Variants in RAB3D observed in about 807,000 individuals in gnomAD.
The protein encoded by RAB3D is ras-related protein Rab-3D.
A neutral mutation model predicts 19.3 loss-of-function variants in RAB3D; 17 were observed. The observed-to-expected ratio is 0.88, with a 90% CI of 0.60 to 1.32. The LOEUF (loss-of-function observed/expected upper bound fraction) is 1.32, where lower values mean the gene tolerates loss of function less well. RAB3D is among the 40% of genes most tolerant of loss of function. The pLI, the probability that RAB3D is intolerant of heterozygous loss-of-function variation, is 0.00. For missense variants in RAB3D, 223 were observed against 299.1 expected (o/e 0.75, Z 1.88); for synonymous variants, 103 against 119.9 (o/e 0.86, Z 0.92).
chr19:11,325,702 C>G, intron 4 of RAB3D, 117 bp from the exon 5 acceptor site: 1 of 983,068 alleles, frequency 1.0e-6, no homozygotes, highest in Non-Finnish European at 1.5e-6. Context: ...GCTGTGGGAC[C>G]TTGGTTGTGT....
intron 2 of RAB3D, 134 bp from the exon 3 acceptor site, chr19:11,335,917 T>A: frequency 2.5e-6 from 2 of 800,104 alleles, no homozygotes; most frequent in Non-Finnish European, 4.2e-6. Flanking sequence ...CAACCTCTGG[T>A]CTGATGGAGA....
At chr19:11,333,134 T>C (rs914017013) in intron 4 of RAB3D, among the ~76,000 whole-genome samples, 2 of 150,932 alleles carry the variant, frequency 1.3e-5, no homozygotes, top group African/African-American at 4.9e-5. Context: ...GGCTGGAGTG[T>C]AGTGGCGTGA....
intron 4 of RAB3D, among the ~76,000 whole-genome samples, chr19:11,333,225 G>T (rs1025047155): frequency 1.3e-5 from 2 of 151,604 alleles, no homozygotes; most frequent in East Asian, 3.9e-4. Context: ...GACTACCGGC[G>T]CCCACCACCA....
At chr19:11,339,114 G>C (rs1002429112) in intron 1 of RAB3D, among the ~76,000 whole-genome samples, 19 of 152,356 alleles carry the variant, frequency 1.2e-4, no homozygotes, top group African/African-American at 4.3e-4. Flanking sequence ...ACGCAGGGCA[G>C]GGCCGCAAGG....
In RAB3D at chr19:11,339,647, C is replaced by G. The variant is rs938151219; in HGVS notation, c.-240G>C. On this transcript the variant is annotated 5_prime_UTR_variant, in exon 1 of 5. Coordinates refer to ENST00000222120, the MANE Select transcript of RAB3D (RefSeq NM_004283.4). ...CAGCCACCCGGATCCCGCGCGGGCT[C>G]CGCCCAGAAGGCGGAGGAAGGGCCG... is the stretch of plus-strand genomic sequence containing the variant. 1.3e-5 allele frequency: 2 copies of G among 152,302 alleles called. No individual in the cohort carries two copies. The highest frequency in any genetic ancestry group is 4.8e-5 in the African/African-American group (2 of 41,446). 9.4% of individuals were successfully genotyped at this position (152,302 alleles called of 1,614,324 possible). A position where few individuals can be genotyped will look rare whatever the true frequency, so the allele number is the denominator to read the frequency against.
intron 4 of RAB3D, among the ~76,000 whole-genome samples, chr19:11,334,836 T>C (rs1221497706): frequency 6.6e-6 from 1 of 151,836 alleles, no homozygotes; most frequent in Non-Finnish European, 1.5e-5. Flanking sequence ...AGCAGGAGAA[T>C]TGCTTGAACC....
In RAB3D at chr19:11,337,403, G is replaced by A. The variant is rs759420950; in HGVS notation, c.-4C>T. 1.9e-6 allele frequency: 3 copies of A among 1,612,228 alleles called. No individual in the cohort carries two copies. Reference sequence around the variant, plus strand: ...GGGTGTCTCCAGCTGATGCCATCTTGGCACAAGCCTCCTGGGACAGGGAGA... The same window carrying A: ...GGGTGTCTCCAGCTGATGCCATCTTAGCACAAGCCTCCTGGGACAGGGAGA... On this transcript the variant is annotated 5_prime_UTR_variant, in exon 2 of 5. Transcript: ENST00000222120.
chr19:11,335,957 T>A (rs1363698602), intron 2 of RAB3D, among the ~76,000 whole-genome samples, 174 bp from the exon 3 acceptor site: 1 of 152,116 alleles, frequency 6.6e-6, no homozygotes, highest in African/African-American at 2.4e-5. Flanking sequence ...ACAACCCCAG[T>A]CTGATGGGGG....
chr19:11,328,659 A>G (rs2080824939), intron 4 of RAB3D, among the ~76,000 whole-genome samples: 1 of 151,872 alleles, frequency 6.6e-6, no homozygotes, highest in African/African-American at 2.4e-5. Context: ...ATAAATAAAT[A>G]AATAAATATT....
chr19:11,326,797 T>TGG (rs150288932), intron 4 of RAB3D: 8 of 694,796 alleles, frequency 1.2e-5, no homozygotes, highest in Non-Finnish European at 2.1e-5. Context: ...TTTGTAGAGG[T>TGG]GGGGGTCTCG....
In RAB3D at chr19:11,337,308, C is replaced by G; in HGVS notation, c.92G>C (p.Ser31Thr). The change falls in exon 2 of 5, where the codon AGC becomes ACC. Residue 31 changes from serine (S) to threonine (T), a missense_variant. Ser to Thr is a moderately conservative substitution (Grantham distance 58). Transcript: ENST00000222120. ...YMFKLLLIGN[S>T]SVGKTSFLFR... ...CAGGAAGGAAGTCTTGCCCACACTGCTGTTGCCTATCAGTAGCAGTTTGAA... is the reference window on the plus strand; with the variant it reads ...CAGGAAGGAAGTCTTGCCCACACTGGTGTTGCCTATCAGTAGCAGTTTGAA... The G allele has an allele frequency of 1.9e-6, 3 of 1,614,168 alleles. No homozygotes were observed. The highest frequency in any genetic ancestry group is 2.5e-6 in the Non-Finnish European group (3 of 1,180,038).
Position 11,337,420 on chromosome 19 carries a change from A to T in RAB3D, c.-21T>A, listed in dbSNP as rs771531487. ...GCCATCTTGGCACAAGCCTCCTGGGACAGGGAGACCTGAAATCCTCAGGGA... is the reference window on the plus strand; with the variant it reads ...GCCATCTTGGCACAAGCCTCCTGGGTCAGGGAGACCTGAAATCCTCAGGGA... On this transcript the variant is annotated 5_prime_UTR_variant, in exon 2 of 5. Coordinates refer to ENST00000222120, the MANE Select transcript of RAB3D (RefSeq NM_004283.4). 1.9e-6 allele frequency: 3 copies of T among 1,604,706 alleles called. No individual in the cohort carries two copies. The Admixed American group carries it at 5.0e-5, about 27-fold the overall frequency.
chr19:11,336,877 G>T (rs1966900037), intron 2 of RAB3D, among the ~76,000 whole-genome samples: 1 of 151,044 alleles, frequency 6.6e-6, no homozygotes, highest in African/African-American at 2.4e-5. Context: ...GACTGAGGCA[G>T]AAGAATTGCT....
chr19:11,329,334 C>T (rs1220179703), intron 4 of RAB3D, among the ~76,000 whole-genome samples: 1 of 151,854 alleles, frequency 6.6e-6, no homozygotes, highest in African/African-American at 2.4e-5. Flanking sequence ...TCAGGCCAGG[C>T]GTGGTGGCTC....
intron 2 of RAB3D, 79 bp downstream of exon 2, chr19:11,337,093 C>CAA (rs893185437): frequency 5.0e-4 from 514 of 1,030,496 alleles, no homozygotes; most frequent in Non-Finnish European, 5.7e-4. Context: ...GACTCCGTCT[C>CAA]AAAAAAAAAA....
Position 11,323,605 on chromosome 19 carries a change from A to G in RAB3D, c.*1793T>C, listed in dbSNP as rs1444839180. 2 of 152,142 alleles carry G rather than the reference A, an allele frequency of 1.3e-5. No individual in the cohort carries two copies. Among genetic ancestry groups the G allele is most frequent in the Non-Finnish European group, 2.9e-5 (2 of 68,026 alleles). 9.4% of individuals were successfully genotyped at this position (152,142 alleles called of 1,614,324 possible). On this transcript the variant is annotated 3_prime_UTR_variant, in exon 5 of 5. Coordinates refer to ENST00000222120, the MANE Select transcript of RAB3D (RefSeq NM_004283.4). Reference sequence around the variant, plus strand: ...GACTCTGTATCAAAAAAACAAATGAAAAAAAGATACCCCACTCCAAAGTTC... The same window carrying G: ...GACTCTGTATCAAAAAAACAAATGAGAAAAAGATACCCCACTCCAAAGTTC...
At chr19:11,330,132 C>G (rs1457575165) in intron 4 of RAB3D, among the ~76,000 whole-genome samples, 2 of 152,166 alleles carry the variant, frequency 1.3e-5, no homozygotes, top group Non-Finnish European at 2.9e-5. Flanking sequence ...TCCAGGCTAA[C>G]TGGGGATCCA....
intron 4 of RAB3D, among the ~76,000 whole-genome samples, chr19:11,327,365 C>T (rs2080818946): frequency 2.6e-5 from 4 of 152,174 alleles, no homozygotes; most frequent in Non-Finnish European, 5.9e-5. Context: ...TTTCCTTATC[C>T]ACGCGTGGCT....
chr19:11,332,534 C>T (rs907969942), intron 4 of RAB3D, among the ~76,000 whole-genome samples: 1 of 152,130 alleles, frequency 6.6e-6, no homozygotes, highest in Non-Finnish European at 1.5e-5. Flanking sequence ...TTTGTAGAGA[C>T]AGGGTTTACC....
Sources: allele counts gnomAD v4.1 joint callset (sites outside exome capture counted in the v4.1 genomes callset), GRCh38; gene constraint gnomAD v4.1.1; transcripts MANE v1.5; gene names NCBI Gene and HGNC (gene_info 2026-07-23, HGNC 2026-07-21).